The following MARK3 variants were observed in gnomAD, a reference collection of about 807,000 sequenced individuals.
MARK3 encodes MAP/microtubule affinity-regulating kinase 3.
In MARK3, 46 loss-of-function variants were observed where a neutral mutation model predicts 90.1. The ratio of observed to expected loss-of-function variants is 0.51; its 90% CI spans 0.40 to 0.65. The LOEUF is 0.65. Among genes scored for constraint, MARK3 ranks in the 30% least tolerant of loss-of-function variants. The pLI, the probability that MARK3 is intolerant of heterozygous loss-of-function variation, is 0.00. For synonymous variants in MARK3, 321 were observed against 332.6 expected (o/e 0.97, Z 0.38); for missense variants, 818 against 947.2 (o/e 0.86, Z 1.79).
Position 103,462,385 on chromosome 14 carries a change from T to A in MARK3, c.484-20T>A. Reference sequence around the variant, plus strand: ...CGAATCTGCACCAGTGATGACTGACTCTGCGTCTCTCCTATTCAGATTGTG... The same window carrying A: ...CGAATCTGCACCAGTGATGACTGACACTGCGTCTCTCCTATTCAGATTGTG... On this transcript the variant is annotated intron_variant, in intron 6 of 17. Coordinates refer to ENST00000429436, the MANE Select transcript of MARK3 (RefSeq NM_001128918.3). 8 of 1,577,844 alleles carry A rather than the reference T, an allele frequency of 5.1e-6. No individual in the cohort carries two copies. The highest frequency in any genetic ancestry group is 7.0e-6 in the Non-Finnish European group (8 of 1,150,254).
At chr14:103,490,981 G>C (rs769551748) in intron 14 of MARK3, 81 of 1,285,058 alleles carry the variant, frequency 6.3e-5, no homozygotes, top group Middle Eastern at 2.1e-4. Flanking sequence ...TACGCAGCTA[G>C]CCCTGCCTCA....
intron 3 of MARK3, among the ~76,000 whole-genome samples, chr14:103,445,075 AT>A (rs34710838): frequency 1.8e-4 from 26 of 147,510 alleles, no homozygotes; most frequent in East Asian, 3.9e-4. Context: ...TAATTTGTTG[AT>A]TTTTTTTTTT....
intron 2 of MARK3, among the ~76,000 whole-genome samples, chr14:103,415,219 TAATTTAACA>T (rs1230907462): frequency 7.4e-6 from 1 of 135,838 alleles, no homozygotes; most frequent in Non-Finnish European, 1.7e-5. Flanking sequence ...AAAGTTGTTT[TAATTTAACA>T]AACATGTTGG....
In MARK3 at chr14:103,491,941, C is replaced by G; in HGVS notation, c.1751C>G (p.Pro584Arg). ...TATYNGPPAS[P>R]SLSHEATPLS... ...ACATATAATGGCCCTCCTGCCTCTC[C>G]CAGCCTGTCCCATGAAGCCACACCA... Residue 584 changes from proline (P) to arginine (R), a missense_variant, in exon 15 of 18, where the codon CCC becomes CGC. By Grantham distance (103) the Pro-to-Arg change is moderately radical. Around this residue, in one of 3 missense-constraint regions of MARK3, gnomAD observed 560 missense variants for 613.5 expected, o/e 0.91. Coordinates refer to ENST00000429436, the MANE Select transcript of MARK3 (RefSeq NM_001128918.3). 1.9e-6 allele frequency: 3 copies of G among 1,614,158 alleles called. No homozygotes were observed. Among genetic ancestry groups the G allele is most frequent in the Non-Finnish European group, 8.5e-7 (1 of 1,180,028 alleles).
chr14:103,428,665 CT>C (rs898263949), intron 3 of MARK3, among the ~76,000 whole-genome samples: 4 of 150,786 alleles, frequency 2.7e-5, no homozygotes, highest in South Asian at 2.1e-4. Flanking sequence ...AAAGGCTGTG[CT>C]TTTTTTTTGT....
In MARK3 at chr14:103,465,784, A is replaced by G. The variant is rs1257188606; in HGVS notation, c.768A>G (p.Gln256=). 2.5e-6 allele frequency: 4 copies of G among 1,613,588 alleles called. No individual in the cohort carries two copies. The highest frequency in any genetic ancestry group is 3.4e-6 in the Non-Finnish European group (4 of 1,179,536). The change falls in exon 8 of 18, where the codon CAA becomes CAG. Residue 256 remains glutamine, a synonymous_variant. Coordinates refer to ENST00000429436, the MANE Select transcript of MARK3 (RefSeq NM_001128918.3). ...GTGGCTCACTTCCCTTTGATGGGCAAAACCTAAAGGTATAAGAAGCTGCAC... is the reference window on the plus strand; with the variant it reads ...GTGGCTCACTTCCCTTTGATGGGCAGAACCTAAAGGTATAAGAAGCTGCAC... ...LVSGSLPFDG[Q]NLKELRERVL...
intron 10 of MARK3, among the ~76,000 whole-genome samples, chr14:103,466,784 C>T (rs2093511745): frequency 6.6e-6 from 1 of 152,168 alleles, no homozygotes; most frequent in South Asian, 2.1e-4. Flanking sequence ...GCGGGCAGAT[C>T]ACCTGAGGTC....
At position 103,407,292 on chromosome 14, in the gene MARK3, T is replaced by C. The variant is rs556325018; in HGVS notation, c.243+2025T>C. Among the ~76,000 whole-genome samples, 135 of 152,342 alleles carry C rather than the reference T, an allele frequency of 8.9e-4. 1 individual carries two copies. Among genetic ancestry groups the C allele is most frequent in the African/African-American group, 3.1e-3 (128 of 41,586 alleles). On this transcript the variant is annotated intron_variant, in intron 2 of 17. Transcript: ENST00000429436. ...GTCTTTAACTTCAGGTATACACTTA[T>C]GTGTATGAGCTCATGTTACTTGCTA...
intron 7 of MARK3, 30 bp downstream of exon 7, chr14:103,462,491 CTCTG>C (rs763046436): frequency 1.2e-5 from 18 of 1,548,922 alleles, no homozygotes; most frequent in African/African-American, 6.8e-5. Flanking sequence ...TCAGTGTATG[CTCTG>C]TCTGTTTGTG....
At chr14:103,468,884 G>C (rs10151139) in intron 12 of MARK3, among the ~76,000 whole-genome samples, 146,336 of 151,526 alleles carry the variant, frequency 0.97, 70,831 homozygotes, top group East Asian at 1. Context: ...TCACCACAGC[G>C]TTCTAAAGTG....
chr14:103,433,856 G>A (rs1457159577), intron 3 of MARK3, among the ~76,000 whole-genome samples: 2 of 152,126 alleles, frequency 1.3e-5, no homozygotes, highest in Non-Finnish European at 2.9e-5. Flanking sequence ...TAATGCAGGA[G>A]TTTAGTCCCA....
intron 6 of MARK3, 100 bp from the exon 7 acceptor site, chr14:103,462,305 T>TTTTTTTCTA (rs2093417861): frequency 1.3e-6 from 1 of 782,330 alleles, no homozygotes. Flanking sequence ...CATTCGAGCG[T>TTTTTTTCTA]ATACTGAGTA....
chr14:103,431,646 A>T (rs2092585624), intron 3 of MARK3, among the ~76,000 whole-genome samples: 2 of 152,186 alleles, frequency 1.3e-5, no homozygotes, highest in South Asian at 4.1e-4. Flanking sequence ...TGTATTTATG[A>T]TAGCTGGTTA....
At chr14:103,392,877 C>G (rs2090347843) in intron 1 of MARK3, among the ~76,000 whole-genome samples, 1 of 151,640 alleles carries the variant, frequency 6.6e-6, no homozygotes, top group East Asian at 1.9e-4. Flanking sequence ...GTGGCACGAT[C>G]TCGCTCGCTG....
At chr14:103,464,875 C>A (rs1187941583) in intron 7 of MARK3, among the ~76,000 whole-genome samples, 3 of 151,970 alleles carry the variant, frequency 2.0e-5, no homozygotes, top group African/African-American at 7.2e-5. Flanking sequence ...TTTTAAAAAT[C>A]TTTTGTAGAG....
intron 1 of MARK3, among the ~76,000 whole-genome samples, chr14:103,398,673 A>T (rs1029451489): frequency 6.6e-6 from 1 of 152,310 alleles, no homozygotes; most frequent in South Asian, 2.1e-4. Flanking sequence ...ATGCCTGGCC[A>T]AGAGTTTTTA....
intron 3 of MARK3, among the ~76,000 whole-genome samples, chr14:103,433,888 T>G (rs1023811355): frequency 1.3e-5 from 2 of 152,126 alleles, no homozygotes; most frequent in African/African-American, 4.8e-5. Flanking sequence ...CCTATAATTT[T>G]TATTTAACAA....
intron 3 of MARK3, among the ~76,000 whole-genome samples, chr14:103,430,376 T>G (rs1234819054): frequency 1.0e-5 from 1 of 95,344 alleles, no homozygotes. Flanking sequence ...CCCCCCCATC[T>G]TCCCCCACCC....
At chr14:103,468,600 A>T (rs1457514475) in intron 12 of MARK3, among the ~76,000 whole-genome samples, 2 of 151,842 alleles carry the variant, frequency 1.3e-5, no homozygotes, top group African/African-American at 4.8e-5. Context: ...CGCTGGAATT[A>T]CAGGCATGAG....
Sources: allele counts gnomAD v4.1 joint callset (sites outside exome capture counted in the v4.1 genomes callset), GRCh38; gene constraint gnomAD v4.1.1; regional missense constraint gnomAD v4.1.1; transcripts MANE v1.5; gene names NCBI Gene and HGNC (gene_info 2026-07-23, HGNC 2026-07-21).